KPNA1: variants seen among roughly 807,000 people sequenced by gnomAD.
KPNA1 encodes importin subunit alpha-5.
A neutral mutation model predicts 70.5 loss-of-function variants in KPNA1; 10 were observed. The ratio of observed to expected loss-of-function variants is 0.14; its 90% CI spans 0.09 to 0.24. The LOEUF is 0.24. Among genes scored for constraint, KPNA1 ranks in the 10% least tolerant of loss-of-function variants. The pLI, the probability that KPNA1 is intolerant of heterozygous loss-of-function variation, is 1.00. For missense variants in KPNA1, 397 were observed against 637.9 expected, an observed-to-expected ratio of 0.62 and a Z score of 4.07; for synonymous variants, 192 against 221.9, an observed-to-expected ratio of 0.87 and a Z score of 1.20.
At chr3:122,476,880 A>C (rs1009237863) in intron 2 of KPNA1, among the ~76,000 whole-genome samples, 12 of 150,474 alleles carry the variant, frequency 8.0e-5, no homozygotes, top group African/African-American at 2.9e-4. Flanking sequence ...AAAAAAAAAA[A>C]AAAACTAAAA....
chr3:122,512,844 C>A (rs2076970108), intron 1 of KPNA1, among the ~76,000 whole-genome samples: 1 of 152,172 alleles, frequency 6.6e-6, no homozygotes, highest in African/African-American at 2.4e-5. Flanking sequence ...GGACTGTAAA[C>A]TCCTCAAGGC....
At chr3:122,488,512 G>A (rs1211543683) in intron 2 of KPNA1, among the ~76,000 whole-genome samples, 2 of 152,170 alleles carry the variant, frequency 1.3e-5, no homozygotes, top group Admixed American at 1.3e-4. Flanking sequence ...AACAGAATGA[G>A]ACTCTGTCTC....
chr3:122,482,605 A>G (rs575473382), intron 2 of KPNA1, among the ~76,000 whole-genome samples: 289 of 152,330 alleles, frequency 1.9e-3, no homozygotes, highest in Non-Finnish European at 3.7e-3. Context: ...AAAAAACCCA[A>G]TGGAATCTAT....
intron 10 of KPNA1, among the ~76,000 whole-genome samples, chr3:122,438,453 C>A (rs1377803259): frequency 6.6e-6 from 1 of 151,546 alleles, no homozygotes; most frequent in East Asian, 1.9e-4. Context: ...ATGGCACAAT[C>A]TCTGCTCACC....
At chr3:122,501,557 C>T (rs2076829592) in intron 1 of KPNA1, among the ~76,000 whole-genome samples, 1 of 152,168 alleles carries the variant, frequency 6.6e-6, no homozygotes, top group South Asian at 2.1e-4. Flanking sequence ...TAATTTCTTT[C>T]CATTGTGATC....
intron 2 of KPNA1, among the ~76,000 whole-genome samples, chr3:122,480,932 T>G (rs1241608554): frequency 1.3e-5 from 2 of 152,106 alleles, no homozygotes; most frequent in East Asian, 3.9e-4. Flanking sequence ...AAAGCTGCAG[T>G]GAACCATAAT....
At chr3:122,465,726 C>T (rs1171997138) in intron 3 of KPNA1, among the ~76,000 whole-genome samples, 1 of 152,186 alleles carries the variant, frequency 6.6e-6, no homozygotes, top group Admixed American at 6.6e-5. Context: ...ATGGTGAAAC[C>T]CTGTCTCTAC....
At chr3:122,459,914 G>A (rs1388186155) in intron 5 of KPNA1, 28 of 985,152 alleles carry the variant, frequency 2.8e-5, no homozygotes, top group Non-Finnish European at 3.1e-5. Flanking sequence ...ATCTATAATG[G>A]TGTAGACAGT....
intron 1 of KPNA1, 51 bp from the exon 2 acceptor site, chr3:122,496,621 T>C: frequency 1.9e-6 from 3 of 1,538,732 alleles, no homozygotes; most frequent in South Asian, 1.1e-5. Flanking sequence ...AAGAGCTCTG[T>C]TATTCTAAGA....
intron 4 of KPNA1, among the ~76,000 whole-genome samples, chr3:122,462,867 CTT>C (rs1363100689): frequency 2.0e-5 from 3 of 152,098 alleles, no homozygotes; most frequent in African/African-American, 7.2e-5. Context: ...GTTCAGAATT[CTT>C]TTTACTTGCC....
At chr3:122,461,708 T>C (rs1422637676) in intron 4 of KPNA1, among the ~76,000 whole-genome samples, 1 of 152,210 alleles carries the variant, frequency 6.6e-6, no homozygotes, top group Non-Finnish European at 1.5e-5. Context: ...TTGTAAATCA[T>C]CTTAAGGAAT....
At chr3:122,470,913 A>G (rs555039765) in intron 2 of KPNA1, among the ~76,000 whole-genome samples, 1 of 152,332 alleles carries the variant, frequency 6.6e-6, no homozygotes, top group South Asian at 2.1e-4. Flanking sequence ...TATCTTTGCA[A>G]TTCCTTTGAC....
intron 2 of KPNA1, among the ~76,000 whole-genome samples, chr3:122,479,653 G>C (rs1047117359): frequency 6.6e-6 from 1 of 151,918 alleles, no homozygotes. Flanking sequence ...CCAGCTACTC[G>C]GGAGGCTGAG....
rs540405509 is a variant in KPNA1 at position 122,452,714 on chromosome 3, G to A, written c.565-650C>T. On this transcript the variant is annotated intron_variant, in intron 6 of 13. Coordinates refer to ENST00000344337, the MANE Select transcript of KPNA1 (RefSeq NM_002264.4). ...GGGAGGGAGAGACGGAGAGACGGAG[G>A]GAAGGAGGGAAGGAGAGACGGAGGG... 3.8e-3 allele frequency among the ~76,000 whole-genome samples: 439 copies of A among 115,020 alleles called. 1 individual carries two copies. The highest frequency in any genetic ancestry group is 0.01 in the Admixed American group (135 of 12,894). The allele number at this position is 115,020 out of a possible 152,430, so 75.5% of individuals were successfully genotyped here.
At chr3:122,451,780 G>GT (rs1169421528) in intron 7 of KPNA1, 147 bp from the exon 8 acceptor site, 2 of 703,092 alleles carry the variant, frequency 2.8e-6, no homozygotes, top group Non-Finnish European at 4.8e-6. Flanking sequence ...TCTGATGCAA[G>GT]TAATTCAGAA....
At chr3:122,474,223 T>C (rs2076473754) in intron 2 of KPNA1, among the ~76,000 whole-genome samples, 2 of 152,110 alleles carry the variant, frequency 1.3e-5, no homozygotes, top group Non-Finnish European at 2.9e-5. Context: ...TGGAGAGGTA[T>C]TATTCCTATC....
rs183222537 is a variant in KPNA1 at position 122,426,085 on chromosome 3, G to A, written c.*900C>T. The A allele has an allele frequency of 1.3e-4, 20 of 152,370 alleles. No individual in the cohort carries two copies. The highest frequency in any genetic ancestry group is 1.2e-3 in the Admixed American group (19 of 15,292). 9.4% of individuals were successfully genotyped at this position (152,370 alleles called of 1,614,324 possible). A position where few individuals can be genotyped will look rare whatever the true frequency, so the allele number is the denominator to read the frequency against. On this transcript the variant is annotated 3_prime_UTR_variant, in exon 14 of 14. Coordinates refer to ENST00000344337, the MANE Select transcript of KPNA1 (RefSeq NM_002264.4). ...CCCTAGTTACACTGATTGCATTTGGGAAAATTGGAGGGTTTTTTCGTCCTT... is the reference window on the plus strand; with the variant it reads ...CCCTAGTTACACTGATTGCATTTGGAAAAATTGGAGGGTTTTTTCGTCCTT...
At chr3:122,475,574 G>C (rs1441895663) in intron 2 of KPNA1, among the ~76,000 whole-genome samples, 5 of 152,066 alleles carry the variant, frequency 3.3e-5, no homozygotes, top group Non-Finnish European at 7.4e-5. Context: ...CAGAGGAGGA[G>C]GCTTCACACT....
At position 122,433,922 on chromosome 3, in the gene KPNA1, T is replaced by C. The variant is rs1018587110; in HGVS notation, c.1123-134A>G. The C allele has an allele frequency of 7.6e-5, 54 of 706,438 alleles. 1 individual carries two copies. The South Asian group carries it at 9.2e-4, about 12-fold the overall frequency. The allele number at this position is 706,438 out of a possible 1,614,324, so 43.8% of individuals were successfully genotyped here. A position where few individuals can be genotyped will look rare whatever the true frequency, so the allele number is the denominator to read the frequency against. Reference sequence around the variant, plus strand: ...GTCAGAAATAAATTGAAAAGAGTTATGTCATTATCTCTAACCTTTTTTTTT... The same window carrying C: ...GTCAGAAATAAATTGAAAAGAGTTACGTCATTATCTCTAACCTTTTTTTTT... On this transcript the variant is annotated intron_variant, in intron 11 of 13. Coordinates refer to ENST00000344337, the MANE Select transcript of KPNA1 (RefSeq NM_002264.4).
Sources: gnomAD v4.1 joint callset for allele counts (sites outside exome capture counted in the v4.1 genomes callset) on GRCh38, gnomAD v4.1.1 for gene constraint, MANE v1.5 for transcripts, NCBI Gene and HGNC (gene_info 2026-07-23, HGNC 2026-07-21) for gene names.